TK2: variants seen among roughly 807,000 people sequenced by gnomAD.
TK2 encodes the protein thymidine kinase 2, also known as thymidine kinase 2, mitochondrial.
TK2 carries 35 observed loss-of-function variants against 41.9 expected under a neutral mutation model. The ratio of observed to expected loss-of-function variants is 0.84; its 90% CI spans 0.64 to 1.11. The LOEUF (loss-of-function observed/expected upper bound fraction) is 1.11. TK2 is among the 50% of genes least tolerant of loss of function. The pLI, the probability that TK2 is intolerant of heterozygous loss-of-function variation, is 0.00. For missense variants in TK2, 320 were observed against 351.1 expected (o/e 0.91, Z 0.71); for synonymous variants, 128 against 129.1 (o/e 0.99, Z 0.06).
intron 2 of TK2, chr16:66,548,526 T>C (rs1965677714): frequency 4.4e-6 from 1 of 224,732 alleles, no homozygotes; most frequent in South Asian, 6.0e-5. Flanking sequence ...AAAGCCACCC[T>C]GATAACTGAA....
At chr16:66,536,744 C>T (rs1005712813) in intron 4 of TK2, among the ~76,000 whole-genome samples, 22 of 152,046 alleles carry the variant, frequency 1.4e-4, no homozygotes, top group Admixed American at 6.5e-5. Flanking sequence ...GGATAGCTGA[C>T]GGGAAGTCCC....
In TK2 at chr16:66,511,859, C is replaced by G. The variant is rs1964459089; in HGVS notation, c.*109G>C. The stretch of plus-strand genomic sequence containing the variant: ...AGATGAGACCATTAGGAAAATCAAG[C>G]TGGCCAGACACAAAGCCCTCCTGGG... On this transcript the variant is annotated 3_prime_UTR_variant, in exon 10 of 10. Coordinates refer to ENST00000544898, the MANE Select transcript of TK2 (RefSeq NM_004614.5). The G allele has an allele frequency of 1.1e-6, 1 of 902,868 alleles. No individual in the cohort carries two copies. Among genetic ancestry groups the G allele is most frequent in the Non-Finnish European group, 1.8e-6 (1 of 549,060 alleles). 55.9% of individuals were successfully genotyped at this position (902,868 alleles called of 1,614,324 possible). A position where few individuals can be genotyped will look rare whatever the true frequency, so the allele number is the denominator to read the frequency against.
At position 66,514,822 on chromosome 16, in the gene TK2, G is replaced by GA. The variant is rs1205910346; in HGVS notation, c.619-1012dup. ...GAGACTCCATTTTGTTCTGTACTAAGAAAAATTCTTCTGCCTTGGGATGCT... is the reference window on the plus strand; with the variant it reads ...GAGACTCCATTTTGTTCTGTACTAAGAAAAAATTCTTCTGCCTTGGGATGCT... On this transcript the variant is annotated intron_variant, in intron 8 of 9. Coordinates refer to ENST00000544898, the MANE Select transcript of TK2 (RefSeq NM_004614.5). The surrounding 1 kb of genome is among the most constrained non-coding windows in gnomAD (Gnocchi z 4.2). Among the ~76,000 whole-genome samples, 1 of 152,206 alleles carries GA rather than the reference G, an allele frequency of 6.6e-6. No individual in the cohort carries two copies. The highest frequency in any genetic ancestry group is 2.4e-5 in the African/African-American group (1 of 41,456).
chr16:66,542,591 C>T (rs1280769480), intron 2 of TK2, among the ~76,000 whole-genome samples: 2 of 152,120 alleles, frequency 1.3e-5, no homozygotes, highest in East Asian at 3.9e-4. Flanking sequence ...AAAGCAAGGA[C>T]AGCTTGAACC....
intron 6 of TK2, among the ~76,000 whole-genome samples, chr16:66,528,781 G>A (rs928780555): frequency 2.0e-5 from 3 of 152,152 alleles, no homozygotes; most frequent in Non-Finnish European, 4.4e-5. Context: ...GGTAAGCAGA[G>A]CTGCCTGGTG....
At position 66,511,906 on chromosome 16, in the gene TK2, C is replaced by T. The variant is rs1482761376; in HGVS notation, c.*62G>A. The T allele has an allele frequency of 2.7e-6, 4 of 1,502,224 alleles. No homozygotes were observed. The highest frequency in any genetic ancestry group is 3.7e-6 in the Non-Finnish European group (4 of 1,079,244). The allele number at this position is 1,502,224 out of a possible 1,614,324, so 93.1% of individuals were successfully genotyped here. A position where few individuals can be genotyped will look rare whatever the true frequency, so the allele number is the denominator to read the frequency against. ...TGGGAGCAAGTTTTTCCAGATTGCT[C>T]CCAATAGCTAACTTGGCAGCAGCAG... On this transcript the variant is annotated 3_prime_UTR_variant, in exon 10 of 10. Transcript: ENST00000544898.
chr16:66,533,216 T>A (rs1167085661), intron 4 of TK2, among the ~76,000 whole-genome samples: 2 of 149,336 alleles, frequency 1.3e-5, no homozygotes, highest in Non-Finnish European at 1.5e-5. Context: ...ATCACAGGCA[T>A]GCACCACCAC....
intron 6 of TK2, among the ~76,000 whole-genome samples, chr16:66,521,947 C>G (rs376554907): frequency 2.6e-5 from 4 of 152,240 alleles, no homozygotes; most frequent in African/African-American, 4.8e-5. Flanking sequence ...GAGAGCCCCC[C>G]AGTCTGTGCG....
chr16:66,547,524 A>G (rs1330366514), intron 2 of TK2, among the ~76,000 whole-genome samples: 1 of 151,992 alleles, frequency 6.6e-6, no homozygotes, highest in African/African-American at 2.4e-5. Flanking sequence ...ACCTGTTCCA[A>G]CACTCCTGCC....
In TK2 at chr16:66,541,993, C is replaced by G. The variant is rs371739997; in HGVS notation, c.157-40G>C. 4 of 1,603,450 alleles carry G rather than the reference C, an allele frequency of 2.5e-6. No homozygotes were observed. In the East Asian group the frequency reaches 8.9e-5, roughly 36 times the overall value. The stretch of plus-strand genomic sequence containing the variant: ...ATGCATATTAGAGCCAGAACTCAAG[C>G]ACCCAGGGGAATGTCAGGGAATAAT... On this transcript the variant is annotated intron_variant, in intron 2 of 9. Coordinates refer to ENST00000544898, the MANE Select transcript of TK2 (RefSeq NM_004614.5).
chr16:66,511,915 T>C lies in TK2; in HGVS notation c.*53A>G. The stretch of plus-strand genomic sequence containing the variant: ...GTTTTTCCAGATTGCTCCCAATAGC[T>C]AACTTGGCAGCAGCAGGCATTTTTC... On this transcript the variant is annotated 3_prime_UTR_variant, in exon 10 of 10. Coordinates refer to ENST00000544898, the MANE Select transcript of TK2 (RefSeq NM_004614.5). 1 of 1,552,022 alleles carries C rather than the reference T, an allele frequency of 6.4e-7. No homozygotes were observed. Among genetic ancestry groups the C allele is most frequent in the Non-Finnish European group, 8.9e-7 (1 of 1,123,798 alleles).
rs1484774901 is a variant in TK2 at position 66,513,729 on chromosome 16, A to C, written c.699+2T>G. 1 of 1,613,618 alleles carries C rather than the reference A, an allele frequency of 6.2e-7. No homozygotes were observed. The highest frequency in any genetic ancestry group is 8.5e-7 in the Non-Finnish European group (1 of 1,179,718). ...CGTACCCTGTAAGGGAGTCTTACTT[A>C]CCAGAACAGGGGCTGCCATGGGGAA... On this transcript the variant is annotated splice_donor_variant, in intron 9 of 9. Transcript: ENST00000544898. LOFTEE classifies it high-confidence loss of function.
chr16:66,517,180 T>C lies in TK2; in HGVS notation c.574A>G (p.Arg192Gly), dbSNP rs1158035333. The stretch of plus-strand genomic sequence containing the variant: ...TCTTCCCTGCATCTCTTCTTTAACC[T>C]CTGGTAACAAGTCTCAGGATTGGTC... Reference protein sequence around the residue: ...LRTNPETCYQRLKKRCREEEK... With the variant: ...LRTNPETCYQGLKKRCREEEK... The change falls in exon 8 of 10, where the codon AGG (arginine) becomes GGG (glycine). Residue 192 changes from arginine to glycine, a missense_variant. Arg to Gly is a moderately radical substitution (Grantham distance 125). Coordinates refer to ENST00000544898, the MANE Select transcript of TK2 (RefSeq NM_004614.5). The surrounding 1 kb of genome is among the most constrained non-coding windows in gnomAD (Gnocchi z 4.3). 3 of 1,614,168 alleles carry C rather than the reference T, an allele frequency of 1.9e-6. No individual in the cohort carries two copies. In the East Asian group the frequency reaches 6.7e-5, roughly 36 times the overall value.
intron 6 of TK2, among the ~76,000 whole-genome samples, chr16:66,527,461 G>A (rs1482005976): frequency 2.6e-5 from 4 of 152,130 alleles, no homozygotes; most frequent in Admixed American, 2.6e-4. Context: ...TTGGGCTGGA[G>A]ACCAAAGCAC....
At position 66,548,038 on chromosome 16, in the gene TK2, G is replaced by A. The variant is rs772023578; in HGVS notation, c.156+940C>T. On this transcript the variant is annotated intron_variant, in intron 2 of 9. Transcript: ENST00000544898. ...ACTTGAGCCCAGGAGTTGGAGGCCA[G>A]CCTGGGCAACACAGCAAGACGCCGT... The A allele has an allele frequency of 8.8e-6, 9 of 1,027,380 alleles. No individual in the cohort carries two copies. The East Asian group carries it at 3.0e-4, about 34-fold the overall frequency. The allele number at this position is 1,027,380 out of a possible 1,614,324, so 63.6% of individuals were successfully genotyped here.
rs544189950 is a variant in TK2, at chr16:66,511,626, G to T, written c.*342C>A. ...TCGGCCTCCTAATGAAGGCTGAGAC[G>T]ATTGGTACACAGCTCCAGCGTGGTG... On this transcript the variant is annotated 3_prime_UTR_variant, in exon 10 of 10. Transcript: ENST00000544898. The T allele has an allele frequency of 4.8e-5, 19 of 397,894 alleles. No homozygotes were observed. The highest frequency in any genetic ancestry group is 2.6e-4 in the South Asian group (12 of 45,832). The allele number at this position is 397,894 out of a possible 1,614,324, so 24.6% of individuals were successfully genotyped here.
At chr16:66,539,221 TG>T (rs2144446908) in intron 3 of TK2, among the ~76,000 whole-genome samples, 1 of 152,230 alleles carries the variant, frequency 6.6e-6, no homozygotes, top group East Asian at 1.9e-4. Context: ...TCCCCAGGTT[TG>T]ATGATTCATG....
chr16:66,541,996 C>G, intron 2 of TK2, 43 bp from the exon 3 acceptor site: 1 of 1,600,566 alleles, frequency 6.2e-7, no homozygotes, highest in East Asian at 2.2e-5. Flanking sequence ...ACTCAAGCAC[C>G]CAGGGGAATG....
intron 2 of TK2, chr16:66,548,044 G>A (rs761218753): frequency 1.5e-5 from 13 of 893,116 alleles, no homozygotes; most frequent in Non-Finnish European, 2.1e-5. Flanking sequence ...GCCAGCCTGG[G>A]CAACACAGCA....
Sources: allele counts gnomAD v4.1 joint callset (sites outside exome capture counted in the v4.1 genomes callset), GRCh38; gene constraint gnomAD v4.1.1; non-coding constraint Gnocchi (gnomAD v3.1); transcripts MANE v1.5; gene names NCBI Gene and HGNC (gene_info 2026-07-23, HGNC 2026-07-21).